ARHGAP17: variants seen among roughly 807,000 people sequenced by gnomAD.
ARHGAP17 encodes Rho GTPase activating protein 17.
ARHGAP17 carries 57 observed loss-of-function variants against 99.5 expected under a neutral mutation model. The observed-to-expected ratio is 0.57, with a 90% confidence interval of 0.46 to 0.71. ARHGAP17 has a LOEUF of 0.71. Among genes scored for constraint, ARHGAP17 ranks in the 30% least tolerant of loss-of-function variants. The probability of loss-of-function intolerance (pLI) is 0.00; values close to 1 mark genes in which losing one functional copy is unlikely to be tolerated. For synonymous variants in ARHGAP17, 417 were observed against 429.6 expected, an observed-to-expected ratio of 0.97 and a Z score of 0.36; for missense variants, 1,000 against 1,122.4, an observed-to-expected ratio of 0.89 and a Z score of 1.56.
At chr16:24,922,548 AT>A (rs2050744094) in intron 19 of ARHGAP17, among the ~76,000 whole-genome samples, 1 of 152,024 alleles carries the variant, frequency 6.6e-6, no homozygotes. Context: ...GCCCCTCTCT[AT>A]TCCTACATGA....
chr16:24,937,731 C>T (rs1340980064), intron 17 of ARHGAP17, among the ~76,000 whole-genome samples: 2 of 152,200 alleles, frequency 1.3e-5, no homozygotes, highest in African/African-American at 2.4e-5. Context: ...TCCTATCTCA[C>T]GAGCAGCTTC....
chr16:24,962,027 G>A (rs902816532), intron 7 of ARHGAP17, among the ~76,000 whole-genome samples: 1 of 146,388 alleles, frequency 6.8e-6, no homozygotes, highest in Non-Finnish European at 1.5e-5. Context: ...ACAAATTAAT[G>A]TGAAGGGCCT....
chr16:25,009,496 C>T (rs752431972), intron 1 of ARHGAP17, among the ~76,000 whole-genome samples: 34 of 152,058 alleles, frequency 2.2e-4, no homozygotes, highest in Non-Finnish European at 4.3e-4. Context: ...TTGTGATCAT[C>T]AAATACAGGC....
chr16:25,004,812 A>G (rs1044915052), intron 1 of ARHGAP17, among the ~76,000 whole-genome samples: 3 of 152,256 alleles, frequency 2.0e-5, no homozygotes, highest in Non-Finnish European at 2.9e-5. Flanking sequence ...GAAGAGAGAA[A>G]CATCTTGGGA....
At chr16:24,932,397 A>G (rs1005138950) in intron 18 of ARHGAP17, among the ~76,000 whole-genome samples, 4 of 152,202 alleles carry the variant, frequency 2.6e-5, no homozygotes, top group Non-Finnish European at 5.9e-5. Context: ...GGCCACCCCA[A>G]TGACACGGAA....
At chr16:24,986,156 T>C (rs1325867124) in intron 1 of ARHGAP17, among the ~76,000 whole-genome samples, 2 of 152,194 alleles carry the variant, frequency 1.3e-5, no homozygotes, top group Non-Finnish European at 2.9e-5. Context: ...GTAGCAGCCA[T>C]ATTTGCTGGG....
At chr16:24,961,937 T>TATATATA (rs2052018950) in intron 7 of ARHGAP17, among the ~76,000 whole-genome samples, 1 of 112,610 alleles carries the variant, frequency 8.9e-6, no homozygotes, top group African/African-American at 4.8e-5. Flanking sequence ...ATATGAAAAC[T>TATATATA]TATATGCCGG....
chr16:24,968,769 C>T lies in ARHGAP17; in HGVS notation c.276G>A (p.Lys92=), dbSNP rs2052272009. Residue 92 remains lysine (K), a synonymous_variant, in exon 5 of 20, where the codon AAG becomes AAA. Transcript: ENST00000289968. ...STQLEDSLLG[K]MLETCGDAEN... Reference sequence around the variant, plus strand: ...CAGCATCTCCACACGTCTCCAGCATCTTCCTTTAAAAACAAGACCCCCAAC... The same window carrying T: ...CAGCATCTCCACACGTCTCCAGCATTTTCCTTTAAAAACAAGACCCCCAAC... The T allele has an allele frequency of 6.2e-7, 1 of 1,614,050 alleles. No individual in the cohort carries two copies. The highest frequency in any genetic ancestry group is 8.5e-7 in the Non-Finnish European group (1 of 1,180,032).
At chr16:24,963,766 C>T (rs554250490) in intron 7 of ARHGAP17, among the ~76,000 whole-genome samples, 2 of 152,280 alleles carry the variant, frequency 1.3e-5, no homozygotes, top group African/African-American at 4.8e-5. Flanking sequence ...GACATATGAG[C>T]CATTTACTGT....
chr16:24,929,576 C>A (rs540533469), intron 19 of ARHGAP17: 38 of 986,906 alleles, frequency 3.9e-5, no homozygotes, highest in East Asian at 1.1e-4. Flanking sequence ...AGCTGTGGGG[C>A]GAGCTATGGG....
At chr16:25,003,743 GA>G (rs1490756350) in intron 1 of ARHGAP17, among the ~76,000 whole-genome samples, 4 of 151,770 alleles carry the variant, frequency 2.6e-5, no homozygotes, top group Non-Finnish European at 4.4e-5. Flanking sequence ...AGAATCGCTT[GA>G]ACCTTGGAGC....
chr16:24,924,897 TAACAGGTGTCTTTCTAAA>T, intron 19 of ARHGAP17, among the ~76,000 whole-genome samples: 2 of 152,208 alleles, frequency 1.3e-5, no homozygotes, highest in East Asian at 3.9e-4. Context: ...AAGCAGGTTC[TAACAGGTGTCTTTCTAAA>T]ATAACCTTTT....
chr16:24,931,972 C>A (rs757464585), intron 18 of ARHGAP17, among the ~76,000 whole-genome samples: 1 of 152,076 alleles, frequency 6.6e-6, no homozygotes, highest in African/African-American at 2.4e-5. Context: ...CAAAAATTAG[C>A]CGGGCGTGGT....
In ARHGAP17 at chr16:25,015,228, C is replaced by T; in HGVS notation, c.34G>A (p.Ala12Thr). Reference protein sequence around the residue: ...KKQFNRMKQLANQTVGRAEKT... With the variant: ...KKQFNRMKQLTNQTVGRAEKT... ...ACTCGCCTGCCCACGGTCTGGTTAG[C>T]CAGCTGCTTCATGCGGTTGAACTGC... The change falls in exon 1 of 20, where the codon GCT becomes ACT. Residue 12 changes from alanine to threonine, a missense_variant. Coordinates refer to ENST00000289968, the MANE Select transcript of ARHGAP17 (RefSeq NM_001006634.3). 1 of 1,360,184 alleles carries T rather than the reference C, an allele frequency of 7.4e-7. No homozygotes were observed. Among genetic ancestry groups the T allele is most frequent in the South Asian group, 1.8e-5 (1 of 55,292 alleles). The allele number at this position is 1,360,184 out of a possible 1,614,324, so 84.3% of individuals were successfully genotyped here. A position where few individuals can be genotyped will look rare whatever the true frequency, so the allele number is the denominator to read the frequency against.
At chr16:24,974,435 C>T (rs1269618950) in intron 3 of ARHGAP17, among the ~76,000 whole-genome samples, 2 of 151,916 alleles carry the variant, frequency 1.3e-5, no homozygotes. Flanking sequence ...TCTCAAAAAA[C>T]AAACAAACAA....
intron 3 of ARHGAP17, among the ~76,000 whole-genome samples, chr16:24,973,203 A>G (rs1325110941): frequency 6.6e-6 from 1 of 152,208 alleles, no homozygotes; most frequent in Non-Finnish European, 1.5e-5. Context: ...AAAAGAAATA[A>G]TTCTCTAATC....
At chr16:25,005,405 A>T (rs189244889) in intron 1 of ARHGAP17, among the ~76,000 whole-genome samples, 4 of 152,216 alleles carry the variant, frequency 2.6e-5, no homozygotes, top group African/African-American at 9.6e-5. Context: ...TCTGTTGAGG[A>T]ACATATCTAT....
At chr16:24,966,268 G>C (rs2052177363) in intron 6 of ARHGAP17, among the ~76,000 whole-genome samples, 1 of 152,158 alleles carries the variant, frequency 6.6e-6, no homozygotes, top group African/African-American at 2.4e-5. Flanking sequence ...AGGTCAAGAA[G>C]AGACATTTAC....
intron 1 of ARHGAP17, among the ~76,000 whole-genome samples, chr16:24,987,640 A>G (rs1273657992): frequency 6.6e-6 from 1 of 151,912 alleles, no homozygotes; most frequent in Non-Finnish European, 1.5e-5. Flanking sequence ...GATGGCAAAT[A>G]TGTGGCCGAG....
Sources: gnomAD v4.1 joint callset for allele counts (sites outside exome capture counted in the v4.1 genomes callset) on GRCh38, gnomAD v4.1.1 for gene constraint, MANE v1.5 for transcripts, NCBI Gene and HGNC (gene_info 2026-07-23, HGNC 2026-07-21) for gene names.